KCTD15: variants seen among roughly 807,000 people sequenced by gnomAD.
KCTD15 encodes the protein BTB/POZ domain-containing protein KCTD15.
A neutral mutation model predicts 27.2 loss-of-function variants in KCTD15; 11 were observed. The observed-to-expected ratio is 0.41, with a 90% CI of 0.25 to 0.67. The LOEUF (loss-of-function observed/expected upper bound fraction) is 0.67, where lower values mean the gene tolerates loss of function less well. Ranked by LOEUF, KCTD15 falls within the 30% of genes least tolerant of loss-of-function variation. KCTD15 has a pLI of 0.35. For missense variants in KCTD15, 350 were observed against 409.3 expected (o/e 0.86, Z 1.25); for synonymous variants, 163 against 176.0 (o/e 0.93, Z 0.58).
intron 4 of KCTD15, among the ~76,000 whole-genome samples, chr19:33,802,982 A>T (rs1004563794): frequency 6.6e-6 from 1 of 151,684 alleles, no homozygotes; most frequent in African/African-American, 2.4e-5. Context: ...ACCCAGCCCC[A>T]CTGTGCTGCT....
chr19:33,809,074 C>T (rs956443973), intron 5 of KCTD15, among the ~76,000 whole-genome samples: 15 of 152,100 alleles, frequency 9.9e-5, no homozygotes, highest in East Asian at 9.7e-4. Flanking sequence ...GTCAGGAGTT[C>T]GAGACCAGCC....
At chr19:33,811,147 T>G in intron 5 of KCTD15, 100 bp from the exon 6 acceptor site, 3 of 1,024,736 alleles carry the variant, frequency 2.9e-6, no homozygotes, top group Non-Finnish European at 4.2e-6. Context: ...TCGCAGTTCC[T>G]GCAGAATTGG....
intron 6 of KCTD15, chr19:33,811,850 G>C: frequency 6.2e-7 from 1 of 1,605,492 alleles, no homozygotes; most frequent in Non-Finnish European, 8.5e-7. Context: ...TTGACACCCA[G>C]AGTCTGACTT....
chr19:33,805,762 C>G (rs1399711033), intron 4 of KCTD15, among the ~76,000 whole-genome samples: 1 of 152,200 alleles, frequency 6.6e-6, no homozygotes, highest in Non-Finnish European at 1.5e-5. Flanking sequence ...ACTCCCACCC[C>G]TCTTTAGGGT....
In KCTD15 at chr19:33,812,922, C is replaced by T. The variant is rs757471584; in HGVS notation, c.826C>T (p.Arg276Ter). 22 of 1,549,176 alleles carry T rather than the reference C, an allele frequency of 1.4e-5. No homozygotes were observed. The highest frequency in any genetic ancestry group is 1.9e-5 in the Non-Finnish European group (22 of 1,146,644). Residue 276 changes from arginine (R) to a stop codon, truncating the protein, a stop_gained, in exon 7 of 7, where the codon CGA becomes TGA. Coordinates refer to ENST00000683859, the MANE Select transcript of KCTD15 (RefSeq NM_001129994.2). LOFTEE classifies it high-confidence loss of function. Reference sequence around the variant, plus strand: ...GCCGCAGCCCACCCCCACTGCTGTTCGAATCAAGCAGGAACCCCTGGACTA... The same window carrying T: ...GCCGCAGCCCACCCCCACTGCTGTTTGAATCAAGCAGGAACCCCTGGACTA... ...RRPQPTPTAV[R>*]IKQEPLD
At chr19:33,801,419 G>T (rs879171906) in intron 4 of KCTD15, 77 bp downstream of exon 4, 17 of 1,298,292 alleles carry the variant, frequency 1.3e-5, no homozygotes, top group Non-Finnish European at 1.6e-5. Context: ...AGGGGGTGGG[G>T]TCTCTCCCCA....
At chr19:33,801,622 G>A (rs1568377352) in intron 4 of KCTD15, 1 of 327,564 alleles carries the variant, frequency 3.1e-6, no homozygotes, top group South Asian at 1.2e-4. Context: ...TTCAGAGCCA[G>A]CCCAGCCTGA....
upstream of KCTD15, among the ~76,000 whole-genome samples, chr19:33,794,170 A>G (rs896951645): frequency 1.3e-5 from 2 of 152,242 alleles, no homozygotes; most frequent in African/African-American, 2.4e-5. Flanking sequence ...CTCTTAAACA[A>G]TGACACTTAG....
intron 4 of KCTD15, among the ~76,000 whole-genome samples, chr19:33,802,998 A>T (rs1975606967): frequency 6.6e-6 from 1 of 151,782 alleles, no homozygotes; most frequent in Non-Finnish European, 1.5e-5. Flanking sequence ...CTGCTCACCC[A>T]TTGCTTTGTT....
intron 4 of KCTD15, among the ~76,000 whole-genome samples, chr19:33,803,551 G>A (rs185951004): frequency 1.2e-4 from 19 of 152,194 alleles, no homozygotes; most frequent in African/African-American, 4.1e-4. Flanking sequence ...GGGTCTCGGC[G>A]GTTGGGGTGG....
chr19:33,811,679 A>G (rs1975928781), intron 6 of KCTD15, 127 bp downstream of exon 6: 1 of 1,517,508 alleles, frequency 6.6e-7, no homozygotes, highest in Admixed American at 1.9e-5. Flanking sequence ...TCCTACAAAA[A>G]AGGCAACAAT....
intron 4 of KCTD15, among the ~76,000 whole-genome samples, chr19:33,806,225 C>T (rs1240502694): frequency 2.0e-5 from 3 of 151,980 alleles, no homozygotes; most frequent in Non-Finnish European, 4.4e-5. Context: ...GAGTGAGCGG[C>T]AGTAGGGGAT....
At chr19:33,797,482 C>T (rs893694968) in intron 1 of KCTD15, 3 of 419,986 alleles carry the variant, frequency 7.1e-6, no homozygotes, top group African/African-American at 4.1e-5. Flanking sequence ...CTGACGCCCA[C>T]CCCACGAGTC....
chr19:33,804,279 T>A (rs948150761), intron 4 of KCTD15, among the ~76,000 whole-genome samples: 7 of 152,330 alleles, frequency 4.6e-5, no homozygotes, highest in Admixed American at 2.6e-4. Context: ...AGAATCAGCC[T>A]GTCCTGAAAT....
chr19:33,803,893 C>A (rs1417954728), intron 4 of KCTD15, among the ~76,000 whole-genome samples: 1 of 152,118 alleles, frequency 6.6e-6, no homozygotes, highest in Admixed American at 6.5e-5. Flanking sequence ...TCCTGATGCT[C>A]CCCCTTGTGC....
chr19:33,797,829 T>C (rs1222215746), intron 1 of KCTD15, among the ~76,000 whole-genome samples: 5 of 152,346 alleles, frequency 3.3e-5, no homozygotes, highest in East Asian at 1.9e-4. Flanking sequence ...AATTTTTTTT[T>C]AATCCCGGCA....
chr19:33,810,223 G>A (rs1248198743), intron 5 of KCTD15, among the ~76,000 whole-genome samples: 1 of 152,198 alleles, frequency 6.6e-6, no homozygotes, highest in East Asian at 1.9e-4. Context: ...GGGACAGTCT[G>A]TGCGAGGCTG....
chr19:33,802,212 CAG>C (rs59681545), intron 4 of KCTD15, among the ~76,000 whole-genome samples: 19,006 of 152,164 alleles, frequency 0.12, 1,522 homozygotes, highest in African/African-American at 0.22. Context: ...GCTCCTGGCA[CAG>C]AGAGGCGGTC....
At position 33,815,072 on chromosome 19, in the gene KCTD15, G is replaced by C. The variant is rs983047905; in HGVS notation, c.*2124G>C. The C allele has an allele frequency of 3.9e-5, 6 of 152,310 alleles. No homozygotes were observed. Among genetic ancestry groups the C allele is most frequent in the African/African-American group, 1.4e-4 (6 of 41,576 alleles). The allele number at this position is 152,310 out of a possible 1,614,324, so 9.4% of individuals were successfully genotyped here. A position where few individuals can be genotyped will look rare whatever the true frequency, so the allele number is the denominator to read the frequency against. ...GCAGGAAGTCTTGTGAAAACAGCTC[G>C]CTGCTGTGTATGTTTATGGATTTTT... On this transcript the variant is annotated 3_prime_UTR_variant, in exon 7 of 7. Coordinates refer to ENST00000683859, the MANE Select transcript of KCTD15 (RefSeq NM_001129994.2).
Sources: allele counts gnomAD v4.1 joint callset (sites outside exome capture counted in the v4.1 genomes callset), GRCh38; gene constraint gnomAD v4.1.1; transcripts MANE v1.5; gene names NCBI Gene and HGNC (gene_info 2026-07-23, HGNC 2026-07-21).